GLIPR1L1: variants seen among roughly 807,000 people sequenced by gnomAD.
GLIPR1L1 encodes the protein GLIPR1-like protein 1.
Under a neutral mutation model 29.9 loss-of-function variants are expected in GLIPR1L1, and 26 were observed. The ratio of observed to expected loss-of-function variants is 0.87; its 90% CI spans 0.64 to 1.21. The LOEUF (loss-of-function observed/expected upper bound fraction) is 1.21. GLIPR1L1 is among the 50% of genes most tolerant of loss of function. The probability of loss-of-function intolerance (pLI) is 0.00; values close to 1 mark genes in which losing one functional copy is unlikely to be tolerated. For synonymous variants in GLIPR1L1, 77 were observed against 97.5 expected, an observed-to-expected ratio of 0.79 and a Z score of 1.24; for missense variants, 305 against 290.3, an observed-to-expected ratio of 1.05 and a Z score of -0.37.
rs182710357 is a variant in GLIPR1L1, at chr12:75,354,493, A to C, written c.521+6771A>C. Among the ~76,000 whole-genome samples, 260 of 152,360 alleles carry C rather than the reference A, an allele frequency of 1.7e-3. 2 individuals are homozygous for C. The highest frequency in any genetic ancestry group is 4.1e-3 in the Admixed American group (63 of 15,304). Reference sequence around the variant, plus strand: ...AAGGAAATCAGAGAAGGCACAAACAAATGAAAAAACATTGCATGTTCATGG... The same window carrying C: ...AAGGAAATCAGAGAAGGCACAAACACATGAAAAAACATTGCATGTTCATGG... On this transcript the variant is annotated intron_variant, in intron 3 of 5. Transcript: ENST00000378695.
At position 75,347,642 on chromosome 12, in the gene GLIPR1L1, TTA is replaced by T; in HGVS notation, c.443_444del (p.Tyr148CysfsTer10). The T allele has an allele frequency of 6.2e-7, 1 of 1,609,420 alleles. No homozygotes were observed. The highest frequency in any genetic ancestry group is 8.5e-7 in the Non-Finnish European group (1 of 1,176,842). ...TATAGTTAGTTTGGGCCAATTCATT[TTA>T]TGTCGGTTGTGCAGTTGCAATGTGT... ...YTQLVWANSF[Y>X]VGCAVAMCPN... On this transcript the variant is annotated frameshift_variant, in exon 3 of 6. Coordinates refer to ENST00000378695, the MANE Select transcript of GLIPR1L1 (RefSeq NM_001304964.2). LOFTEE classifies it high-confidence loss of function.
At chr12:75,342,971 T>C (rs1413773433) in intron 1 of GLIPR1L1, among the ~76,000 whole-genome samples, 3 of 151,916 alleles carry the variant, frequency 2.0e-5, no homozygotes, top group Non-Finnish European at 4.4e-5. Context: ...AGATTTTGCA[T>C]ATTTTCCTTG....
In GLIPR1L1 at chr12:75,351,860, C is replaced by T. The variant is rs560748453; in HGVS notation, c.521+4138C>T. On this transcript the variant is annotated intron_variant, in intron 3 of 5. Coordinates refer to ENST00000378695, the MANE Select transcript of GLIPR1L1 (RefSeq NM_001304964.2). ...TCGTGCTGGCCCAATATTTAACATT[C>T]TTAAAGAAAAAAATTTTCAGTCTAG... Among the ~76,000 whole-genome samples the T allele has an allele frequency of 5.9e-5, 9 of 152,206 alleles. 1 individual carries two copies. In the South Asian group the frequency reaches 1.9e-3, roughly 32 times the overall value.
At chr12:75,354,162 A>C (rs904480097) in intron 3 of GLIPR1L1, among the ~76,000 whole-genome samples, 8 of 108,252 alleles carry the variant, frequency 7.4e-5, no homozygotes, top group Non-Finnish European at 1.0e-4. Context: ...GGAAGAGAAA[A>C]AAAAGGGGGG....
At chr12:75,369,822 G>C in intron 4 of GLIPR1L1, 138 bp from the exon 5 acceptor site, 2 of 1,316,052 alleles carry the variant, frequency 1.5e-6, no homozygotes, top group Non-Finnish European at 1.9e-6. Context: ...GGATTGAGTA[G>C]GAAAGTTTCA....
rs1213361496 is a variant in GLIPR1L1 at position 75,348,096 on chromosome 12, A to C, written c.521+374A>C. ...AAGAAAATGATTGAGAATGATTGTA[A>C]AAGAACATACTTTTAAGAAAAGAAC... On this transcript the variant is annotated intron_variant, in intron 3 of 5. Transcript: ENST00000378695. Among the ~76,000 whole-genome samples the C allele has an allele frequency of 2.6e-5, 4 of 152,270 alleles. No homozygotes were observed. In the East Asian group the frequency reaches 7.7e-4, roughly 29 times the overall value.
At chr12:75,367,141 T>C in intron 4 of GLIPR1L1, 1 of 644,648 alleles carries the variant, frequency 1.6e-6, no homozygotes, top group East Asian at 2.7e-5. Context: ...ACCTCCAAAG[T>C]GGAAACCAAA....
intron 1 of GLIPR1L1, among the ~76,000 whole-genome samples, chr12:75,340,220 C>T (rs1257948842): frequency 2.7e-5 from 4 of 150,872 alleles, no homozygotes; most frequent in South Asian, 2.1e-4. Context: ...GCATTTAGAC[C>T]GTTTCCATAT....
At chr12:75,350,676 A>C (rs1054407850) in intron 3 of GLIPR1L1, among the ~76,000 whole-genome samples, 1 of 152,180 alleles carries the variant, frequency 6.6e-6, no homozygotes, top group African/African-American at 2.4e-5. Context: ...AAAGACCACA[A>C]AAACCCCATC....
chr12:75,359,559 C>T (rs147756195), intron 3 of GLIPR1L1, among the ~76,000 whole-genome samples: 222 of 151,604 alleles, frequency 1.5e-3, no homozygotes, highest in African/African-American at 5.0e-3. Context: ...TTTTCAAGTG[C>T]TAATAATATG....
At chr12:75,360,500 C>T (rs747832231) in intron 3 of GLIPR1L1, 1 of 152,112 alleles carries the variant, frequency 6.6e-6, no homozygotes, top group East Asian at 1.9e-4. Context: ...TGCACAAGTC[C>T]AAAATCCAGT....
At chr12:75,367,072 A>T in intron 4 of GLIPR1L1, 1 of 698,738 alleles carries the variant, frequency 1.4e-6, no homozygotes. Context: ...AAATGCACAG[A>T]CAAGCCAACT....
intron 3 of GLIPR1L1, among the ~76,000 whole-genome samples, chr12:75,350,680 C>T (rs893709327): frequency 2.0e-5 from 3 of 152,152 alleles, no homozygotes; most frequent in African/African-American, 7.2e-5. Flanking sequence ...ACCACAAAAA[C>T]CCCATCCAAA....
At chr12:75,360,779 T>A (rs2043528093) in intron 3 of GLIPR1L1, 1 of 152,170 alleles carries the variant, frequency 6.6e-6, no homozygotes, top group African/African-American at 2.4e-5. Flanking sequence ...CAACCCCACC[T>A]TTTCTTTCCA....
chr12:75,363,251 A>T (rs2043737282), intron 4 of GLIPR1L1, 61 bp downstream of exon 4: 3 of 784,422 alleles, frequency 3.8e-6, no homozygotes, highest in South Asian at 7.1e-5. Context: ...ATATTTATTA[A>T]ATTTTAAAAT....
chr12:75,358,839 AT>A (rs2043342000), intron 3 of GLIPR1L1, among the ~76,000 whole-genome samples: 1 of 144,154 alleles, frequency 6.9e-6, no homozygotes, highest in African/African-American at 2.5e-5. Flanking sequence ...ATATAACAAT[AT>A]ATAATATATT....
intron 4 of GLIPR1L1, chr12:75,366,989 G>A (rs1223972418): frequency 7.1e-6 from 5 of 701,642 alleles, no homozygotes; most frequent in East Asian, 2.7e-5. Flanking sequence ...GTAACAAAAT[G>A]TCCTTTCTCT....
chr12:75,369,548 C>T, intron 4 of GLIPR1L1: 1 of 982,290 alleles, frequency 1.0e-6, no homozygotes, highest in Non-Finnish European at 1.2e-6. Flanking sequence ...GTGGAAAAGA[C>T]ATCGAGAAAT....
At chr12:75,341,698 G>A (rs903467932) in intron 1 of GLIPR1L1, among the ~76,000 whole-genome samples, 2 of 151,054 alleles carry the variant, frequency 1.3e-5, no homozygotes, top group African/African-American at 4.9e-5. Flanking sequence ...CGCCCGCATC[G>A]GCCGCCCAAA....
Sources: allele counts gnomAD v4.1 joint callset (sites outside exome capture counted in the v4.1 genomes callset), GRCh38; gene constraint gnomAD v4.1.1; transcripts MANE v1.5; gene names NCBI Gene and HGNC (gene_info 2026-07-23, HGNC 2026-07-21).